The following WWOX variants were observed in gnomAD, a reference collection of about 807,000 sequenced individuals.
The protein encoded by WWOX is WW domain containing oxidoreductase.
In WWOX, 69 loss-of-function variants were observed where a neutral mutation model predicts 46.2. The observed-to-expected ratio is 1.49, with a 90% CI of 1.23 to 1.82. The LOEUF is 1.82. Ranked by LOEUF, WWOX falls within the 40% of genes most tolerant of loss-of-function variation. The pLI, the probability that WWOX is intolerant of heterozygous loss-of-function variation, is 0.00. For synonymous variants in WWOX, 359 were observed against 202.6 expected, an observed-to-expected ratio of 1.77 and a Z score of -6.56; for missense variants, 919 against 542.6, an observed-to-expected ratio of 1.69 and a Z score of -6.89.
chr16:78,785,863 C>G (rs909362565), intron 8 of WWOX, among the ~76,000 whole-genome samples: 2 of 151,796 alleles, frequency 1.3e-5, no homozygotes, highest in Non-Finnish European at 2.9e-5. Flanking sequence ...AATGTAGCAT[C>G]TGTAGAGCGA....
At chr16:78,382,556 C>G (rs1201852863) in intron 5 of WWOX, among the ~76,000 whole-genome samples, 2 of 152,146 alleles carry the variant, frequency 1.3e-5, no homozygotes, top group African/African-American at 2.4e-5. Context: ...GTGAGCCATG[C>G]TAAGGAATTC....
At chr16:79,028,390 A>G (rs987173110) in intron 8 of WWOX, among the ~76,000 whole-genome samples, 6 of 151,812 alleles carry the variant, frequency 4.0e-5, no homozygotes, top group Non-Finnish European at 7.4e-5. Context: ...CATTCTACCT[A>G]TGTTTTCACA....
In WWOX at chr16:78,099,670, A is replaced by G; in HGVS notation, c.-109A>G. 1 of 1,369,290 alleles carries G rather than the reference A, an allele frequency of 7.3e-7. No individual in the cohort carries two copies. Among genetic ancestry groups the G allele is most frequent in the South Asian group, 1.6e-5 (1 of 64,372 alleles). 84.8% of individuals were successfully genotyped at this position (1,369,290 alleles called of 1,614,324 possible). On this transcript the variant is annotated 5_prime_UTR_variant, in exon 1 of 9. Transcript: ENST00000566780. ...CTGGAGGGCGCAGTGCGCAGGCGTG[A>G]GCGGTCGGGCCCCGACGCGCGCGGG...
intron 8 of WWOX, among the ~76,000 whole-genome samples, chr16:78,842,943 A>G (rs1489249421): frequency 6.7e-6 from 1 of 150,154 alleles, no homozygotes; most frequent in Non-Finnish European, 1.5e-5. Flanking sequence ...AAAGAAATCT[A>G]ATTTAGAAAA....
At chr16:78,305,366 C>A (rs1308073603) in intron 5 of WWOX, among the ~76,000 whole-genome samples, 1 of 152,058 alleles carries the variant, frequency 6.6e-6, no homozygotes, top group Non-Finnish European at 1.5e-5. Flanking sequence ...CTCACAATAG[C>A]CAGGAGGAAA....
At chr16:78,711,342 A>C (rs1275421413) in intron 8 of WWOX, among the ~76,000 whole-genome samples, 1 of 152,240 alleles carries the variant, frequency 6.6e-6, no homozygotes, top group Non-Finnish European at 1.5e-5. Context: ...GCCTGGCTGA[A>C]TAGTTCTTCA....
chr16:78,696,473 A>AT (rs946925684), intron 8 of WWOX, among the ~76,000 whole-genome samples: 89 of 147,722 alleles, frequency 6.0e-4, no homozygotes, highest in East Asian at 3.4e-3. Context: ...TTGAGTTTCG[A>AT]TTTTTTTTTT....
chr16:78,999,748 C>T (rs1461720990), intron 8 of WWOX, among the ~76,000 whole-genome samples: 3 of 152,178 alleles, frequency 2.0e-5, no homozygotes, highest in Middle Eastern at 3.4e-3. Flanking sequence ...TGGAAAATTG[C>T]CTGTTAGGTG....
rs529231508 is a variant in WWOX at position 79,117,368 on chromosome 16, C to T, written c.1057-94240C>T. Among the ~76,000 whole-genome samples, 17 of 152,262 alleles carry T rather than the reference C, an allele frequency of 1.1e-4. 1 individual carries two copies. In the South Asian group the frequency reaches 2.5e-3, roughly 22 times the overall value. On this transcript the variant is annotated intron_variant, in intron 8 of 8. Coordinates refer to ENST00000566780, the MANE Select transcript of WWOX (RefSeq NM_016373.4). ...CCCAACAGTAGGTCTCGACAGTGGG[C>T]ATAAATTATTCAGTAAATCATGCCA...
Position 78,425,077 on chromosome 16 carries a change from G to A in WWOX, c.791+22G>A, listed in dbSNP as rs146090457. On this transcript the variant is annotated intron_variant, in intron 7 of 8. Coordinates refer to ENST00000566780, the MANE Select transcript of WWOX (RefSeq NM_016373.4). ...ATCGGTGGGTTTGAATTGCATATTT[G>A]TTCACTTATCCCCTTTCTCATACCA... 6,170 of 1,612,390 alleles carry A rather than the reference G, an allele frequency of 3.8e-3. 31 individuals are homozygous for A. The highest frequency in any genetic ancestry group is 3.4e-3 in the Non-Finnish European group (4,029 of 1,179,826).
intron 8 of WWOX, among the ~76,000 whole-genome samples, chr16:78,844,671 C>T (rs907501072): frequency 6.6e-6 from 1 of 152,288 alleles, no homozygotes; most frequent in South Asian, 2.1e-4. Context: ...CAAATTAAAA[C>T]ATACCTTTTT....
At chr16:78,794,770 G>T (rs1440333121) in intron 8 of WWOX, among the ~76,000 whole-genome samples, 2 of 152,226 alleles carry the variant, frequency 1.3e-5, no homozygotes, top group African/African-American at 4.8e-5. Flanking sequence ...AGACCCATGT[G>T]TTCAGGCTGT....
intron 5 of WWOX, among the ~76,000 whole-genome samples, chr16:78,350,787 A>G (rs1296573553): frequency 8.3e-6 from 1 of 120,236 alleles, no homozygotes; most frequent in African/African-American, 2.8e-5. Context: ...GTGTGGATAT[A>G]GGTTTACCTT....
At chr16:78,972,349 C>A (rs185166875) in intron 8 of WWOX, among the ~76,000 whole-genome samples, 2 of 151,918 alleles carry the variant, frequency 1.3e-5, no homozygotes, top group African/African-American at 4.8e-5. Context: ...GGATGGGAGC[C>A]GTGAAGTGAG....
intron 6 of WWOX, among the ~76,000 whole-genome samples, chr16:78,396,315 G>GT (rs2082285705): frequency 6.6e-6 from 1 of 151,884 alleles, no homozygotes. Context: ...AAAAAAAAAA[G>GT]TTAGTGAGCC....
intron 8 of WWOX, among the ~76,000 whole-genome samples, chr16:78,767,335 G>A (rs766012819): frequency 6.6e-6 from 1 of 151,580 alleles, no homozygotes; most frequent in South Asian, 2.1e-4. Flanking sequence ...AGATTTTGCC[G>A]TGTTGCCCTG....
At chr16:78,711,774 G>A (rs982395506) in intron 8 of WWOX, among the ~76,000 whole-genome samples, 15 of 152,110 alleles carry the variant, frequency 9.9e-5, no homozygotes, top group African/African-American at 3.6e-4. Context: ...GTTAAAGAGT[G>A]AGCGCACAGG....
At chr16:78,755,286 G>C (rs1409806516) in intron 8 of WWOX, among the ~76,000 whole-genome samples, 1 of 151,774 alleles carries the variant, frequency 6.6e-6, no homozygotes, top group Admixed American at 6.6e-5. Flanking sequence ...TCTCTTCCTT[G>C]AAGGATTTAA....
At chr16:78,267,898 G>A (rs2079401304) in intron 5 of WWOX, among the ~76,000 whole-genome samples, 1 of 152,144 alleles carries the variant, frequency 6.6e-6, no homozygotes, top group Non-Finnish European at 1.5e-5. Context: ...AGTCACTGCA[G>A]CCTTGACTTT....
Sources: allele counts gnomAD v4.1 joint callset (sites outside exome capture counted in the v4.1 genomes callset), GRCh38; gene constraint gnomAD v4.1.1; transcripts MANE v1.5; gene names NCBI Gene and HGNC (gene_info 2026-07-23, HGNC 2026-07-21).